The following SPOCK1 variants were observed in gnomAD, a reference collection of about 807,000 sequenced individuals.
SPOCK1 encodes the protein SPARC (osteonectin), cwcv and kazal like domains proteoglycan 1, also known as testican-1.
In SPOCK1, 23 loss-of-function variants were observed where a neutral mutation model predicts 55.3. The observed-to-expected ratio is 0.42, with a 90% CI of 0.30 to 0.59. The LOEUF (loss-of-function observed/expected upper bound fraction) is 0.59. SPOCK1 is among the 20% of genes least tolerant of loss of function. The pLI, the probability that SPOCK1 is intolerant of heterozygous loss-of-function variation, is 0.22. For synonymous variants in SPOCK1, 226 were observed against 221.0 expected, an observed-to-expected ratio of 1.02 and a Z score of -0.20; for missense variants, 499 against 552.5, an observed-to-expected ratio of 0.90 and a Z score of 0.97.
chr5:137,106,763 G>C (rs1375755821), intron 5 of SPOCK1, among the ~76,000 whole-genome samples: 1 of 152,042 alleles, frequency 6.6e-6, no homozygotes, highest in Non-Finnish European at 1.5e-5. Context: ...TAAACCTTTG[G>C]TAGGTTCCCC....
chr5:137,328,535 G>A (rs1356519231), intron 2 of SPOCK1, among the ~76,000 whole-genome samples: 1 of 152,202 alleles, frequency 6.6e-6, no homozygotes, highest in African/African-American at 2.4e-5. Flanking sequence ...CAGGCCGACA[G>A]TGTTCACTTA....
intron 3 of SPOCK1, among the ~76,000 whole-genome samples, chr5:137,236,563 CA>C (rs1756185511): frequency 1.3e-5 from 2 of 152,200 alleles, no homozygotes; most frequent in African/African-American, 4.8e-5. Flanking sequence ...CATAGATGTA[CA>C]TAAGAGCATG....
At chr5:137,041,429 C>T (rs184495471) in intron 6 of SPOCK1, among the ~76,000 whole-genome samples, 1 of 151,882 alleles carries the variant, frequency 6.6e-6, no homozygotes, top group Non-Finnish European at 1.5e-5. Flanking sequence ...GGTGCTGAAC[C>T]AAAATCACAA....
At position 137,403,398 on chromosome 5, in the gene SPOCK1, T is replaced by C. The variant is rs116580899; in HGVS notation, c.186+94975A>G. On this transcript the variant is annotated intron_variant, in intron 2 of 10. Coordinates refer to ENST00000394945, the MANE Select transcript of SPOCK1 (RefSeq NM_004598.4). ...TAATAGCCACTCTGTGCCAGGCATG[T>C]CTCAAGATGCTTAGGATAAAATGGT... Among the ~76,000 whole-genome samples the C allele has an allele frequency of 3.0e-3, 450 of 152,318 alleles. 2 individuals carry two copies. Among genetic ancestry groups the C allele is most frequent in the African/African-American group, 0.01 (434 of 41,568 alleles).
In SPOCK1 at chr5:137,313,502, C is replaced by T. The variant is rs536761201; in HGVS notation, c.187-46447G>A. On this transcript the variant is annotated intron_variant, in intron 2 of 10. Coordinates refer to ENST00000394945, the MANE Select transcript of SPOCK1 (RefSeq NM_004598.4). ...CTGTGACACCCACCCAAAACAAGGA[C>T]ACCAGCAGCCTCAGAAGGGATCCAT... 1.1e-5 allele frequency: 11 copies of T among 985,394 alleles called. No homozygotes were observed. In the East Asian group the frequency reaches 1.3e-3, roughly 112 times the overall value. The allele number at this position is 985,394 out of a possible 1,614,324, so 61.0% of individuals were successfully genotyped here.
intron 2 of SPOCK1, among the ~76,000 whole-genome samples, chr5:137,279,611 T>C (rs1321259510): frequency 6.6e-6 from 1 of 152,226 alleles, no homozygotes; most frequent in Admixed American, 6.5e-5. Context: ...CAATGGGAGA[T>C]GCTGGCAGCT....
chr5:137,392,227 T>C lies in SPOCK1; in HGVS notation c.186+106146A>G, dbSNP rs543402036. Among the ~76,000 whole-genome samples, 3 of 152,246 alleles carry C rather than the reference T, an allele frequency of 2.0e-5. No individual in the cohort carries two copies. The East Asian group carries it at 5.8e-4, about 29-fold the overall frequency. Reference sequence around the variant, plus strand: ...ACCAGCCCTCCCTGCTGTTTATATTTCCCAGATCCCCCAAGTCCACGGCTT... The same window carrying C: ...ACCAGCCCTCCCTGCTGTTTATATTCCCCAGATCCCCCAAGTCCACGGCTT... On this transcript the variant is annotated intron_variant, in intron 2 of 10. Transcript: ENST00000394945.
chr5:137,037,954 T>C (rs568990120), intron 6 of SPOCK1, among the ~76,000 whole-genome samples: 26 of 152,232 alleles, frequency 1.7e-4, no homozygotes, highest in African/African-American at 6.3e-4. Flanking sequence ...TGTCATAGAA[T>C]AGAAAAATCC....
chr5:137,169,622 T>C (rs1467902550), intron 3 of SPOCK1, among the ~76,000 whole-genome samples: 1 of 152,190 alleles, frequency 6.6e-6, no homozygotes, highest in Non-Finnish European at 1.5e-5. Context: ...GCCAAATCAA[T>C]GAATACTTTA....
At chr5:137,243,878 C>T (rs1031713662) in intron 3 of SPOCK1, among the ~76,000 whole-genome samples, 3 of 152,098 alleles carry the variant, frequency 2.0e-5, no homozygotes, top group Non-Finnish European at 4.4e-5. Context: ...CGCGGACTTG[C>T]ATTAACAGCA....
chr5:137,257,491 A>G (rs1405676022), intron 3 of SPOCK1, among the ~76,000 whole-genome samples: 1 of 152,138 alleles, frequency 6.6e-6, no homozygotes, highest in East Asian at 1.9e-4. Flanking sequence ...AACCTGGAAG[A>G]GGGCCCTCAC....
intron 6 of SPOCK1, among the ~76,000 whole-genome samples, chr5:137,041,681 A>G (rs1752001125): frequency 6.6e-6 from 1 of 152,228 alleles, no homozygotes; most frequent in South Asian, 2.1e-4. Context: ...CATATGTGAT[A>G]GAAAATAACC....
At chr5:137,186,373 G>C (rs17777541) in intron 3 of SPOCK1, among the ~76,000 whole-genome samples, 17,977 of 152,206 alleles carry the variant, frequency 0.12, 1,235 homozygotes, top group East Asian at 0.22. Context: ...TCAATGGCTA[G>C]ACAGTGACAT....
At chr5:137,188,903 C>T (rs1361665394) in intron 3 of SPOCK1, among the ~76,000 whole-genome samples, 1 of 152,126 alleles carries the variant, frequency 6.6e-6, no homozygotes, top group East Asian at 1.9e-4. Flanking sequence ...TACAGAAAAC[C>T]GAAACAGCCT....
At chr5:137,031,323 A>G (rs1193691102) in intron 6 of SPOCK1, among the ~76,000 whole-genome samples, 2 of 152,206 alleles carry the variant, frequency 1.3e-5, no homozygotes, top group African/African-American at 4.8e-5. Flanking sequence ...ACCAGTGTCA[A>G]TTTCCAAAAT....
chr5:137,211,973 T>C (rs142494269), intron 3 of SPOCK1, among the ~76,000 whole-genome samples: 3 of 152,324 alleles, frequency 2.0e-5, no homozygotes, highest in African/African-American at 7.2e-5. Flanking sequence ...AGTAAAGTGG[T>C]TCCCTGAGTT....
chr5:137,012,571 T>C (rs1466546186), intron 6 of SPOCK1, among the ~76,000 whole-genome samples: 3 of 152,152 alleles, frequency 2.0e-5, no homozygotes, highest in African/African-American at 7.2e-5. Flanking sequence ...AAATATATAA[T>C]AGGGTCAAAG....
intron 4 of SPOCK1, among the ~76,000 whole-genome samples, chr5:137,114,692 C>T (rs748928994): frequency 6.6e-6 from 1 of 152,178 alleles, no homozygotes; most frequent in Non-Finnish European, 1.5e-5. Flanking sequence ...GTACGTGATT[C>T]CTTCAGCAGA....
chr5:137,270,310 C>A (rs1041518911), intron 2 of SPOCK1, among the ~76,000 whole-genome samples: 2 of 152,102 alleles, frequency 1.3e-5, no homozygotes, highest in Admixed American at 6.5e-5. Flanking sequence ...AGGAGCCCAG[C>A]AACAGTTAAT....
Sources: gnomAD v4.1 joint callset for allele counts (sites outside exome capture counted in the v4.1 genomes callset) on GRCh38, gnomAD v4.1.1 for gene constraint, MANE v1.5 for transcripts, NCBI Gene and HGNC (gene_info 2026-07-23, HGNC 2026-07-21) for gene names.